The following COG5 variants were observed in gnomAD, a reference collection of about 807,000 sequenced individuals.
COG5 encodes component of oligomeric golgi complex 5.
A neutral mutation model predicts 110.4 loss-of-function variants in COG5; 86 were observed. The ratio of observed to expected loss-of-function variants is 0.78; its 90% CI spans 0.65 to 0.93. The LOEUF (loss-of-function observed/expected upper bound fraction) is 0.93. COG5 is among the 40% of genes least tolerant of loss of function. COG5 has a pLI of 0.00. For missense variants in COG5, 1,077 were observed against 987.0 expected (o/e 1.09, Z -1.22); for synonymous variants, 360 against 334.6 (o/e 1.08, Z -0.83).
intron 6 of COG5, among the ~76,000 whole-genome samples, chr7:107,498,710 A>G (rs867939571): frequency 2.6e-5 from 4 of 152,196 alleles, no homozygotes; most frequent in Non-Finnish European, 5.9e-5. Flanking sequence ...GCAAAATTGT[A>G]CAACCCCTAT....
chr7:107,556,759 A>C (rs1224273375), intron 2 of COG5, among the ~76,000 whole-genome samples: 2 of 151,150 alleles, frequency 1.3e-5, no homozygotes, highest in Non-Finnish European at 2.9e-5. Context: ...TTGACAATTA[A>C]GCGTGTTTTC....
intron 6 of COG5, among the ~76,000 whole-genome samples, chr7:107,524,580 C>CAG (rs1330953089): frequency 1.2e-4 from 18 of 152,308 alleles, no homozygotes; most frequent in African/African-American, 4.3e-4. Flanking sequence ...AAAATTATTA[C>CAG]TTTTACTCAA....
In COG5 at chr7:107,552,578, T is replaced by C. The variant is rs138176213; in HGVS notation, c.292+1707A>G. 5.0e-3 allele frequency among the ~76,000 whole-genome samples: 762 copies of C among 152,228 alleles called. 47 individuals are homozygous for C. The East Asian group carries it at 0.13, about 25-fold the overall frequency. On this transcript the variant is annotated intron_variant, in intron 3 of 21. Transcript: ENST00000297135. ...AATGCAAATCAAAACCACAATGAGA[T>C]ACCATCTCACACCATTCAGAATGAC...
At chr7:107,337,931 T>C (rs1359620866) in intron 10 of COG5, among the ~76,000 whole-genome samples, 1 of 152,062 alleles carries the variant, frequency 6.6e-6, no homozygotes, top group Admixed American at 6.6e-5. Context: ...AAATTATGTA[T>C]CAATTTTTAA....
At chr7:107,444,157 GTCTC>G (rs898100657) in intron 6 of COG5, among the ~76,000 whole-genome samples, 13 of 152,078 alleles carry the variant, frequency 8.5e-5, no homozygotes, top group African/African-American at 2.9e-4. Flanking sequence ...GAATTAACTG[GTCTC>G]TCTATGTCCC....
chr7:107,427,114 T>A (rs938804766), intron 6 of COG5, among the ~76,000 whole-genome samples: 8 of 152,178 alleles, frequency 5.3e-5, no homozygotes, highest in Non-Finnish European at 1.2e-4. Flanking sequence ...TCTGGTCTTG[T>A]TCATCTATAT....
chr7:107,489,570 A>C (rs1797861096), intron 6 of COG5, among the ~76,000 whole-genome samples: 1 of 152,180 alleles, frequency 6.6e-6, no homozygotes, highest in South Asian at 2.1e-4. Context: ...AAAGTCCAAG[A>C]AAACAAGTTC....
intron 11 of COG5, among the ~76,000 whole-genome samples, chr7:107,318,911 C>G (rs1303272829): frequency 6.6e-6 from 1 of 152,188 alleles, no homozygotes; most frequent in Admixed American, 6.5e-5. Flanking sequence ...ATATTTTCAA[C>G]AACTATTTTT....
chr7:107,464,367 T>C (rs373662282), intron 6 of COG5, among the ~76,000 whole-genome samples: 2 of 152,274 alleles, frequency 1.3e-5, no homozygotes, highest in East Asian at 3.9e-4. Context: ...TTTTTCCTCC[T>C]CCAGCCTAGA....
intron 6 of COG5, among the ~76,000 whole-genome samples, chr7:107,439,622 T>C (rs1282017999): frequency 6.6e-6 from 1 of 152,030 alleles, no homozygotes; most frequent in African/African-American, 2.4e-5. Context: ...ATATTTAACA[T>C]AACCATATTA....
rs1443297781 is a variant in COG5, at chr7:107,202,800, G to C, written c.*716C>G. On this transcript the variant is annotated 3_prime_UTR_variant, in exon 22 of 22. Coordinates refer to ENST00000297135, the MANE Select transcript of COG5 (RefSeq NM_006348.5). ...TTTTCACGTGGCATTTTTGTTACAC[G>C]GTTAAACAGCCCAAAGGTCTGCTTT... 1 of 151,960 alleles carries C rather than the reference G, an allele frequency of 6.6e-6. No individual in the cohort carries two copies. Among genetic ancestry groups the C allele is most frequent in the Non-Finnish European group, 1.5e-5 (1 of 68,006 alleles). The allele number at this position is 151,960 out of a possible 1,614,324, so 9.4% of individuals were successfully genotyped here. A position where few individuals can be genotyped will look rare whatever the true frequency, so the allele number is the denominator to read the frequency against.
intron 19 of COG5, among the ~76,000 whole-genome samples, chr7:107,212,001 T>C (rs1799213845): frequency 6.6e-6 from 1 of 152,208 alleles, no homozygotes; most frequent in Admixed American, 6.5e-5. Context: ...TTCTGAACCA[T>C]GTAAAACGGC....
intron 14 of COG5, 80 bp from the exon 15 acceptor site, chr7:107,258,463 TACACACACACAC>T: frequency 1.6e-6 from 1 of 608,984 alleles, no homozygotes; most frequent in Admixed American, 2.2e-5. Flanking sequence ...CACACACACA[TACACACACACAC>T]ACACATTCTT....
chr7:107,418,608 G>A (rs1375407511), intron 6 of COG5, among the ~76,000 whole-genome samples: 1 of 140,552 alleles, frequency 7.1e-6, no homozygotes, highest in Admixed American at 7.2e-5. Context: ...CAGAGTCATG[G>A]CTTGCTTTTT....
intron 6 of COG5, among the ~76,000 whole-genome samples, chr7:107,447,292 C>T (rs1795063047): frequency 6.6e-6 from 1 of 152,162 alleles, no homozygotes; most frequent in Non-Finnish European, 1.5e-5. Flanking sequence ...CTTTTAAGGT[C>T]TCATGTATTA....
intron 6 of COG5, among the ~76,000 whole-genome samples, chr7:107,435,608 G>A (rs1794320402): frequency 3.9e-5 from 6 of 151,966 alleles, no homozygotes; most frequent in South Asian, 2.1e-4. Context: ...AGCCAAGATC[G>A]TGCCACTGTA....
At chr7:107,388,883 G>A (rs956253831) in intron 7 of COG5, among the ~76,000 whole-genome samples, 1 of 152,128 alleles carries the variant, frequency 6.6e-6, no homozygotes, top group Non-Finnish European at 1.5e-5. Flanking sequence ...CCGCAGCCCT[G>A]AACAATGCGG....
intron 6 of COG5, among the ~76,000 whole-genome samples, chr7:107,417,070 T>C (rs1358945203): frequency 6.6e-6 from 1 of 152,120 alleles, no homozygotes; most frequent in Non-Finnish European, 1.5e-5. Context: ...CTCCTGGATA[T>C]TTATGTGAGA....
chr7:107,523,167 T>C (rs1033810885), intron 6 of COG5, among the ~76,000 whole-genome samples: 1 of 152,144 alleles, frequency 6.6e-6, no homozygotes, highest in Admixed American at 6.5e-5. Flanking sequence ...GATTGATTGA[T>C]TTAGGTCTTC....
Sources: allele counts gnomAD v4.1 joint callset (sites outside exome capture counted in the v4.1 genomes callset), GRCh38; gene constraint gnomAD v4.1.1; transcripts MANE v1.5; gene names NCBI Gene and HGNC (gene_info 2026-07-23, HGNC 2026-07-21).